The following SKAP1 variants were observed in gnomAD, a reference collection of about 807,000 sequenced individuals.
SKAP1 encodes the protein src kinase-associated phosphoprotein 1.
Under a neutral mutation model 58.5 loss-of-function variants are expected in SKAP1, and 44 were observed. That is an observed-to-expected ratio of 0.75 (90% CI 0.59 to 0.97). SKAP1 has a LOEUF of 0.97. SKAP1 is among the 50% of genes least tolerant of loss of function. The pLI is 0.00. For missense variants in SKAP1, 390 were observed against 435.2 expected (o/e 0.90, Z 0.92); for synonymous variants, 127 against 149.7 (o/e 0.85, Z 1.11).
chr17:48,314,592 A>C (rs2066265393), intron 4 of SKAP1, among the ~76,000 whole-genome samples: 2 of 152,170 alleles, frequency 1.3e-5, no homozygotes, highest in Non-Finnish European at 2.9e-5. Context: ...ACAGAGGGAA[A>C]TCTCTTAAAA....
intron 4 of SKAP1, among the ~76,000 whole-genome samples, chr17:48,235,774 C>A (rs2065173406): frequency 6.6e-6 from 1 of 152,218 alleles, no homozygotes; most frequent in Admixed American, 6.5e-5. Context: ...AATAACATCA[C>A]CCAGAGGCAA....
chr17:48,207,872 G>A (rs2064828407), intron 4 of SKAP1, among the ~76,000 whole-genome samples: 1 of 152,132 alleles, frequency 6.6e-6, no homozygotes, highest in Non-Finnish European at 1.5e-5. Flanking sequence ...AATTTATCTG[G>A]AACCTTCCAC....
intron 4 of SKAP1, among the ~76,000 whole-genome samples, chr17:48,209,546 T>TG (rs1459834267): frequency 3.3e-5 from 5 of 152,206 alleles, no homozygotes; most frequent in African/African-American, 1.2e-4. Context: ...GATCACTAAA[T>TG]GACTCTTTGC....
intron 4 of SKAP1, among the ~76,000 whole-genome samples, chr17:48,320,117 A>T (rs567828205): frequency 9.2e-5 from 14 of 152,324 alleles, no homozygotes; most frequent in African/African-American, 2.6e-4. Context: ...TGAAGCTAAA[A>T]GGAAAAAAGG....
intron 2 of SKAP1, among the ~76,000 whole-genome samples, chr17:48,381,448 A>G (rs2067213883): frequency 6.6e-6 from 1 of 152,014 alleles, no homozygotes; most frequent in Non-Finnish European, 1.5e-5. Context: ...AACCTATCCC[A>G]TTCACCCCAC....
intron 4 of SKAP1, among the ~76,000 whole-genome samples, chr17:48,204,973 TTTTCTTTC>T (rs1555602827): frequency 9.2e-4 from 71 of 77,318 alleles, no homozygotes; most frequent in Non-Finnish European, 1.4e-3. Flanking sequence ...TTTTCTTTTC[TTTTCTTTC>T]TTTCTTTCTT....
In SKAP1 at chr17:48,153,036, CACACACACACACAT is replaced by C. The variant is rs1464056754; in HGVS notation, c.978+9419_978+9432del. The stretch of plus-strand genomic sequence containing the variant: ...CTGTGTGCACATGGACACACACACA[CACACACACACACAT>C]ACATACACAGAGAGAGAGAAAAGTG... On this transcript the variant is annotated intron_variant, in intron 11 of 12. Transcript: ENST00000336915. Among the ~76,000 whole-genome samples the C allele has an allele frequency of 3.4e-3, 519 of 150,792 alleles. 4 individuals carry two copies. The highest frequency in any genetic ancestry group is 0.012 in the African/African-American group (484 of 41,238).
intron 4 of SKAP1, among the ~76,000 whole-genome samples, chr17:48,328,093 C>A (rs547635618): frequency 6.6e-6 from 1 of 152,294 alleles, no homozygotes; most frequent in East Asian, 1.9e-4. Context: ...TGGCTTTCAT[C>A]TGGGTTCCAT....
intron 4 of SKAP1, among the ~76,000 whole-genome samples, chr17:48,227,535 G>A (rs2065083142): frequency 6.6e-6 from 1 of 152,184 alleles, no homozygotes. Context: ...TGCCAATTGA[G>A]CACTAACACC....
chr17:48,209,026 A>T (rs1213027002), intron 4 of SKAP1, among the ~76,000 whole-genome samples: 1 of 152,192 alleles, frequency 6.6e-6, no homozygotes. Flanking sequence ...CACTACCTCT[A>T]TAATATGAGT....
chr17:48,337,741 T>C (rs1369975257), intron 4 of SKAP1, among the ~76,000 whole-genome samples: 1 of 152,160 alleles, frequency 6.6e-6, no homozygotes, highest in Non-Finnish European at 1.5e-5. Flanking sequence ...TAAGAACATA[T>C]ATAGGCAAGA....
intron 4 of SKAP1, among the ~76,000 whole-genome samples, chr17:48,209,023 T>C (rs2064841026): frequency 6.6e-6 from 1 of 152,148 alleles, no homozygotes; most frequent in Non-Finnish European, 1.5e-5. Flanking sequence ...CACCACTACC[T>C]CTATAATATG....
At chr17:48,143,338 G>A (rs2063791746) in intron 11 of SKAP1, among the ~76,000 whole-genome samples, 1 of 151,502 alleles carries the variant, frequency 6.6e-6, no homozygotes, top group South Asian at 2.1e-4. Flanking sequence ...GACCACAGGT[G>A]CATGCCACTG....
chr17:48,229,649 T>C (rs2065106506), intron 4 of SKAP1, among the ~76,000 whole-genome samples: 1 of 151,932 alleles, frequency 6.6e-6, no homozygotes, highest in Non-Finnish European at 1.5e-5. Context: ...AAAATATACA[T>C]AAAAAATAAA....
chr17:48,144,100 C>T (rs891068614), intron 11 of SKAP1, among the ~76,000 whole-genome samples: 1 of 152,126 alleles, frequency 6.6e-6, no homozygotes, highest in East Asian at 1.9e-4. Flanking sequence ...AACTCTCTGC[C>T]CTTCAAAACA....
intron 3 of SKAP1, among the ~76,000 whole-genome samples, chr17:48,359,107 C>T (rs923160351): frequency 6.6e-6 from 1 of 151,876 alleles, no homozygotes; most frequent in Non-Finnish European, 1.5e-5. Flanking sequence ...CATTTTTAAT[C>T]AATCTCAACC....
At position 48,163,123 on chromosome 17, in the gene SKAP1, C is replaced by A. The variant is rs191391379; in HGVS notation, c.878-554G>T. 4.9e-4 allele frequency among the ~76,000 whole-genome samples: 75 copies of A among 152,218 alleles called. 1 individual carries two copies. The highest frequency in any genetic ancestry group is 1.3e-3 in the Admixed American group (20 of 15,284). On this transcript the variant is annotated intron_variant, in intron 10 of 12. Transcript: ENST00000336915. ...AGGTAATCACCAATAAATACTGAAACGAATAGCCCAGTCTTTAAGTGGAAC... is the reference window on the plus strand; with the variant it reads ...AGGTAATCACCAATAAATACTGAAAAGAATAGCCCAGTCTTTAAGTGGAAC...
chr17:48,219,204 T>C (rs557957024), intron 4 of SKAP1, among the ~76,000 whole-genome samples: 1 of 152,286 alleles, frequency 6.6e-6, no homozygotes, highest in South Asian at 2.1e-4. Context: ...TTATTGAAAA[T>C]TGTATTCCAT....
chr17:48,340,687 A>G (rs867517076), intron 4 of SKAP1, among the ~76,000 whole-genome samples: 18 of 152,288 alleles, frequency 1.2e-4, no homozygotes, highest in Middle Eastern at 3.4e-3. Context: ...ACAACAAAAC[A>G]AACTAAAATA....
Sources: allele counts gnomAD v4.1 joint callset (sites outside exome capture counted in the v4.1 genomes callset), GRCh38; gene constraint gnomAD v4.1.1; transcripts MANE v1.5; gene names NCBI Gene and HGNC (gene_info 2026-07-23, HGNC 2026-07-21).